The following VPS13B variants were observed in gnomAD, a reference collection of about 807,000 sequenced individuals.
The protein encoded by VPS13B is vacuolar protein sorting 13 homolog B.
VPS13B carries 285 observed loss-of-function variants against 426.4 expected under a neutral mutation model. The ratio of observed to expected loss-of-function variants is 0.67; its 90% CI spans 0.61 to 0.74. VPS13B has a LOEUF of 0.74. VPS13B is among the 30% of genes least tolerant of loss of function. The pLI is 0.00. For missense variants in VPS13B, 4,537 were observed against 4,782.6 expected (o/e 0.95, Z 1.51); for synonymous variants, 1,676 against 1,676.4 (o/e 1.00, Z 0.01).
At chr8:99,192,095 C>G (rs1563593814) in intron 16 of VPS13B, among the ~76,000 whole-genome samples, 1 of 151,960 alleles carries the variant, frequency 6.6e-6, no homozygotes. Flanking sequence ...GTTTATTAAC[C>G]TTCAGTATAA....
At chr8:99,060,295 A>G (rs1307307964) in intron 3 of VPS13B, among the ~76,000 whole-genome samples, 3 of 152,112 alleles carry the variant, frequency 2.0e-5, no homozygotes, top group African/African-American at 7.2e-5. Context: ...AGTGTGTTAT[A>G]AATGTTTGAT....
At chr8:99,141,034 T>C (rs1415818667) in intron 12 of VPS13B, among the ~76,000 whole-genome samples, 4 of 152,152 alleles carry the variant, frequency 2.6e-5, no homozygotes, top group Non-Finnish European at 5.9e-5. Context: ...GAAATTGTAA[T>C]GTACAACAGG....
intron 43 of VPS13B, among the ~76,000 whole-genome samples, chr8:99,792,049 G>A (rs181968413): frequency 4.6e-4 from 70 of 152,206 alleles, no homozygotes; most frequent in African/African-American, 1.7e-3. Context: ...ACACATGCAT[G>A]GGGCAAACTG....
intron 19 of VPS13B, among the ~76,000 whole-genome samples, chr8:99,361,585 G>T (rs904153986): frequency 6.6e-6 from 1 of 152,054 alleles, no homozygotes; most frequent in Admixed American, 6.5e-5. Flanking sequence ...ACCCTACTAG[G>T]TTTTCATTTT....
At chr8:99,234,499 T>C in intron 17 of VPS13B, 1 of 533,902 alleles carries the variant, frequency 1.9e-6, no homozygotes, top group Non-Finnish European at 3.7e-6. Context: ...TACACGCCGG[T>C]AGGGAAGGGG....
chr8:99,360,232 T>C (rs3110406), intron 19 of VPS13B, among the ~76,000 whole-genome samples: 75,744 of 98,674 alleles, frequency 0.77, 30,362 homozygotes, highest in South Asian at 0.88. Flanking sequence ...CTTTCTTTCT[T>C]TCTCTCTCTC....
intron 8 of VPS13B, among the ~76,000 whole-genome samples, chr8:99,122,776 T>C (rs2132521154): frequency 6.6e-6 from 1 of 152,194 alleles, no homozygotes; most frequent in East Asian, 1.9e-4. Context: ...TATAAACAAA[T>C]AACATATATA....
At chr8:99,098,350 A>G (rs568125506) in intron 4 of VPS13B, among the ~76,000 whole-genome samples, 9 of 152,232 alleles carry the variant, frequency 5.9e-5, no homozygotes, top group African/African-American at 1.9e-4. Flanking sequence ...CTTTACACAC[A>G]CACACTCACA....
chr8:99,814,943 G>A lies in VPS13B; in HGVS notation c.8098-2597G>A, dbSNP rs148372853. On this transcript the variant is annotated intron_variant, in intron 44 of 61. Coordinates refer to ENST00000357162, the MANE Select transcript of VPS13B (RefSeq NM_152564.5). ...ATCAGGGTGATGATCAACAAACTCT[G>A]GGCCAGACTTACTGGGTAACACCAA... is the stretch of plus-strand genomic sequence containing the variant. Among the ~76,000 whole-genome samples, 539 of 152,100 alleles carry A rather than the reference G, an allele frequency of 3.5e-3. 2 individuals carry two copies. The highest frequency in any genetic ancestry group is 0.012 in the African/African-American group (511 of 41,476).
chr8:99,191,330 C>A (rs1181595294), intron 16 of VPS13B, among the ~76,000 whole-genome samples: 1 of 150,598 alleles, frequency 6.6e-6, no homozygotes, highest in Non-Finnish European at 1.5e-5. Context: ...TGATAGTGTC[C>A]CACGTCCCAT....
chr8:99,236,323 C>T (rs1286628114), intron 17 of VPS13B, among the ~76,000 whole-genome samples: 1 of 151,796 alleles, frequency 6.6e-6, no homozygotes, highest in Admixed American at 6.6e-5. Flanking sequence ...GATCTCAGCT[C>T]ACTGCAACCT....
At chr8:99,821,204 A>C in intron 49 of VPS13B, 90 bp from the exon 50 acceptor site, 1 of 1,308,632 alleles carries the variant, frequency 7.6e-7, no homozygotes. Context: ...TAGACCTATT[A>C]TATAATATTA....
At chr8:99,393,015 T>C (rs1814525762) in intron 21 of VPS13B, among the ~76,000 whole-genome samples, 1 of 152,140 alleles carries the variant, frequency 6.6e-6, no homozygotes, top group African/African-American at 2.4e-5. Flanking sequence ...AATTGAGCTG[T>C]TAATTTACAT....
At chr8:99,432,529 A>G (rs1817168378) in intron 22 of VPS13B, among the ~76,000 whole-genome samples, 2 of 152,322 alleles carry the variant, frequency 1.3e-5, no homozygotes, top group South Asian at 2.1e-4. Flanking sequence ...TTGAAACTCA[A>G]CAATCTCAGA....
intron 60 of VPS13B, chr8:99,871,102 C>A (rs1817385128): frequency 3.2e-6 from 2 of 617,896 alleles, no homozygotes; most frequent in Admixed American, 5.4e-5. Flanking sequence ...CTGTTCCGTA[C>A]CTAACCACTC....
intron 19 of VPS13B, chr8:99,348,350 T>C (rs1811662670): frequency 1.3e-5 from 2 of 152,252 alleles, no homozygotes; most frequent in Non-Finnish European, 2.9e-5. Context: ...TTATGGCCTA[T>C]GTTTTTAAGT....
At chr8:99,452,663 A>T (rs1204721606) in intron 23 of VPS13B, among the ~76,000 whole-genome samples, 1 of 152,210 alleles carries the variant, frequency 6.6e-6, no homozygotes, top group East Asian at 1.9e-4. Context: ...AATGAAAAAA[A>T]GGGGGGAAAA....
chr8:99,473,708 T>C (rs1227364400), intron 24 of VPS13B, among the ~76,000 whole-genome samples: 1 of 152,096 alleles, frequency 6.6e-6, no homozygotes, highest in Non-Finnish European at 1.5e-5. Context: ...AGATAAGAAA[T>C]GAAGAAGTAA....
Position 99,128,756 on chromosome 8 carries a change from G to A in VPS13B, c.1207-5876G>A, listed in dbSNP as rs1046235920. Among the ~76,000 whole-genome samples, 7 of 150,170 alleles carry A rather than the reference G, an allele frequency of 4.7e-5. No individual in the cohort carries two copies. In the East Asian group the frequency reaches 5.8e-4, roughly 12 times the overall value. ...AGCAGTGGAAAAAAAAAAAGTTTCT[G>A]TTCCCATGGTTTTAAATTTAGCATA... On this transcript the variant is annotated intron_variant, in intron 8 of 61. Coordinates refer to ENST00000357162, the MANE Select transcript of VPS13B (RefSeq NM_152564.5).
Sources: gnomAD v4.1 joint callset for allele counts (sites outside exome capture counted in the v4.1 genomes callset) on GRCh38, gnomAD v4.1.1 for gene constraint, MANE v1.5 for transcripts, NCBI Gene and HGNC (gene_info 2026-07-23, HGNC 2026-07-21) for gene names.